The following NUP153 variants were observed in gnomAD, a reference collection of about 807,000 sequenced individuals.
The protein encoded by NUP153 is nuclear pore complex protein Nup153.
In NUP153, 27 loss-of-function variants were observed where a neutral mutation model predicts 134.6. That is an observed-to-expected ratio of 0.20 (90% CI 0.15 to 0.28). NUP153 has a LOEUF of 0.28. NUP153 is among the 10% of genes least tolerant of loss of function. NUP153 has a pLI of 1.00. For missense variants in NUP153, 1,821 were observed against 1,731.3 expected, an observed-to-expected ratio of 1.05 and a Z score of -0.92; for synonymous variants, 640 against 623.5, an observed-to-expected ratio of 1.03 and a Z score of -0.40.
At chr6:17,684,261 TG>T (rs1768781511) in intron 2 of NUP153, among the ~76,000 whole-genome samples, 2 of 152,246 alleles carry the variant, frequency 1.3e-5, no homozygotes, top group Non-Finnish European at 1.5e-5. Flanking sequence ...CCTTCGTCAG[TG>T]CTCTTAGCTA....
intron 1 of NUP153, among the ~76,000 whole-genome samples, chr6:17,695,092 C>T (rs1233100806): frequency 6.6e-6 from 1 of 152,154 alleles, no homozygotes; most frequent in African/African-American, 2.4e-5. Flanking sequence ...TTCTGGTAAC[C>T]TTATCAATAA....
Position 17,616,057 on chromosome 6 carries a change from C to A in NUP153, c.*40G>T, listed in dbSNP as rs375244755. 1.5e-4 allele frequency: 212 copies of A among 1,376,576 alleles called. No homozygotes were observed. The highest frequency in any genetic ancestry group is 2.1e-4 in the Non-Finnish European group (204 of 963,798). 85.3% of individuals were successfully genotyped at this position (1,376,576 alleles called of 1,614,324 possible). Reference sequence around the variant, plus strand: ...CAATCCAGTATCTGAAAGCAGGGCACCAGCTGTTGTTAAAATTGAGTACAA... The same window carrying A: ...CAATCCAGTATCTGAAAGCAGGGCAACAGCTGTTGTTAAAATTGAGTACAA... On this transcript the variant is annotated 3_prime_UTR_variant, in exon 22 of 22. Transcript: ENST00000262077.
At chr6:17,669,260 A>G (rs750441797) in intron 7 of NUP153, 33 bp downstream of exon 7, 17 of 1,581,230 alleles carry the variant, frequency 1.1e-5, no homozygotes, top group South Asian at 7.8e-5. Context: ...TGTATGAACA[A>G]TATTTTGTAA....
chr6:17,633,586 A>G (rs1765369921), intron 16 of NUP153, among the ~76,000 whole-genome samples: 1 of 152,202 alleles, frequency 6.6e-6, no homozygotes, highest in Non-Finnish European at 1.5e-5. Flanking sequence ...AACCTAAAAC[A>G]AGTGTGCAAA....
intron 1 of NUP153, among the ~76,000 whole-genome samples, chr6:17,696,462 AT>A (rs1252268164): frequency 6.6e-6 from 1 of 152,166 alleles, no homozygotes; most frequent in Non-Finnish European, 1.5e-5. Context: ...GTGCTTTAAG[AT>A]TTAAAAACAA....
intron 2 of NUP153, among the ~76,000 whole-genome samples, chr6:17,682,165 A>G (rs1223485319): frequency 2.0e-5 from 3 of 152,210 alleles, no homozygotes; most frequent in East Asian, 3.8e-4. Context: ...AGTGCATACA[A>G]AAGTTATGTT....
At chr6:17,665,801 T>C (rs1767500866) in intron 8 of NUP153, among the ~76,000 whole-genome samples, 2 of 151,446 alleles carry the variant, frequency 1.3e-5, no homozygotes, top group Non-Finnish European at 2.9e-5. Context: ...TGGGTGATCC[T>C]CCCACCACAG....
intron 5 of NUP153, 36 bp downstream of exon 5, chr6:17,674,867 GAA>G: frequency 7.0e-7 from 1 of 1,427,684 alleles, no homozygotes; most frequent in Non-Finnish European, 9.3e-7. Context: ...TAAAAAAAAA[GAA>G]AAAAAAAGAT....
At chr6:17,702,433 G>A (rs551087686) in intron 1 of NUP153, among the ~76,000 whole-genome samples, 42 of 151,638 alleles carry the variant, frequency 2.8e-4, no homozygotes, top group Admixed American at 2.3e-3. Flanking sequence ...GCGTGAACCC[G>A]GGAGGCAGAG....
At chr6:17,630,791 G>C (rs1241458454) in intron 17 of NUP153, among the ~76,000 whole-genome samples, 1 of 150,938 alleles carries the variant, frequency 6.6e-6, no homozygotes, top group East Asian at 2.0e-4. Context: ...GAAGAGAGAA[G>C]ACAGGAGAGA....
In NUP153 at chr6:17,625,887, G is replaced by C; in HGVS notation, c.3822C>G (p.Val1274=). The change falls in exon 19 of 22, where the codon GTC becomes GTG. Residue 1274 remains valine (V), a synonymous_variant. Coordinates refer to ENST00000262077, the MANE Select transcript of NUP153 (RefSeq NM_005124.4). The surrounding 1 kb of genome is among the most constrained non-coding windows in gnomAD (Gnocchi z 4.7). ...TATTACTGCTGGCTCCTGGACCAAA[G>C]ACAAATGGGGTGACAGCTGTACCTG... ...SSTGTAVTPF[V]FGPGASSNNT... is the part of the protein sequence containing the mutation. 1 of 1,614,220 alleles carries C rather than the reference G, an allele frequency of 6.2e-7. No homozygotes were observed. Among genetic ancestry groups the C allele is most frequent in the Non-Finnish European group, 8.5e-7 (1 of 1,180,048 alleles).
In NUP153 at chr6:17,624,723, G is replaced by A. The variant is rs764247027; in HGVS notation, c.4012C>T (p.Pro1338Ser). The change falls in exon 20 of 22, where the codon CCC (proline) becomes TCC (serine). Residue 1338 changes from proline (P) to serine (S), a missense_variant. Physicochemically the swap from Pro to Ser is moderately conservative, Grantham distance 74. Transcript: ENST00000262077. ...GATGATATAGATCCAAAGCCTGGGG[G>A]ATTGGGCTGGCTGGCACCTTGACTT... ...GQSQGASQPN[P>S]PGFGSISSST... 1 of 1,614,196 alleles carries A rather than the reference G, an allele frequency of 6.2e-7. No homozygotes were observed. The highest frequency in any genetic ancestry group is 1.1e-5 in the South Asian group (1 of 91,086).
rs574869455 is a variant in NUP153, at chr6:17,680,230, T to C, written c.335-4460A>G. ...CCATTACATGGGAAACCAAAGAGCC[T>C]GTGGTCTGTAATACTGTAATAAAGA... On this transcript the variant is annotated intron_variant, in intron 2 of 21. Transcript: ENST00000262077. This position sits in a 1 kb window ranked among gnomAD's most constrained non-coding sequence, Gnocchi z 4.5. Among the ~76,000 whole-genome samples the C allele has an allele frequency of 3.2e-4, 49 of 152,254 alleles. 1 individual carries two copies. Among genetic ancestry groups the C allele is most frequent in the South Asian group, 3.1e-3 (15 of 4,826 alleles).
At position 17,637,449 on chromosome 6, in the gene NUP153, A is replaced by G; in HGVS notation, c.2168T>C (p.Ile723Thr). The change falls in exon 16 of 22, where the codon ATA becomes ACA. Residue 723 changes from isoleucine to threonine, a missense_variant. Transcript: ENST00000262077. ...ACAGGTATCACAATCCCAAGTGCCT[A>G]TCACTGGTTTAAATTTGTCTCCAAA... The part of the protein sequence containing the change: ...TGFGDKFKPV[I>T]GTWDCDTCLV... 2 of 1,614,250 alleles carry G rather than the reference A, an allele frequency of 1.2e-6. No homozygotes were observed. The highest frequency in any genetic ancestry group is 1.1e-5 in the South Asian group (1 of 91,088).
chr6:17,632,032 G>A (rs540768110), intron 17 of NUP153, among the ~76,000 whole-genome samples: 5 of 152,236 alleles, frequency 3.3e-5, no homozygotes, highest in South Asian at 4.1e-4. Context: ...GTCTTCCTTT[G>A]TACTTATATA....
At chr6:17,705,585 T>TGGGGGGGGGGGGGGG (rs200771105) in intron 1 of NUP153, among the ~76,000 whole-genome samples, 4 of 40,180 alleles carry the variant, frequency 1.0e-4, no homozygotes, top group Non-Finnish European at 1.5e-4. Flanking sequence ...GTGGCGGTGT[T>TGGGGGGGGGGGGGGG]GGGGGGGGGG....
chr6:17,644,889 T>C (rs1220676607), intron 14 of NUP153, among the ~76,000 whole-genome samples: 1 of 152,016 alleles, frequency 6.6e-6, no homozygotes. Context: ...ATCGAGACCA[T>C]CCGAGCTAAC....
At chr6:17,624,080 A>G (rs1401683499) in intron 20 of NUP153, among the ~76,000 whole-genome samples, 1 of 152,242 alleles carries the variant, frequency 6.6e-6, no homozygotes, top group Non-Finnish European at 1.5e-5. Flanking sequence ...AAAATATAGG[A>G]TTATAATACA....
rs1258890376 is a variant in NUP153 at position 17,665,392 on chromosome 6, G to A, written c.1069-7C>T. The A allele has an allele frequency of 6.3e-7, 1 of 1,586,762 alleles. No individual in the cohort carries two copies. Among genetic ancestry groups the A allele is most frequent in the Non-Finnish European group, 8.5e-7 (1 of 1,170,608 alleles). Reference sequence around the variant, plus strand: ...GAGGATATTGAGAATCCACCTTACAGGTAAAGAGAAATCAAAAACATTTAT... The same window carrying A: ...GAGGATATTGAGAATCCACCTTACAAGTAAAGAGAAATCAAAAACATTTAT... On this transcript the variant is annotated splice_region_variant and splice_polypyrimidine_tract_variant and intron_variant, in intron 8 of 21. Coordinates refer to ENST00000262077, the MANE Select transcript of NUP153 (RefSeq NM_005124.4).
Sources: allele counts gnomAD v4.1 joint callset (sites outside exome capture counted in the v4.1 genomes callset), GRCh38; gene constraint gnomAD v4.1.1; non-coding constraint Gnocchi (gnomAD v3.1); transcripts MANE v1.5; gene names NCBI Gene and HGNC (gene_info 2026-07-23, HGNC 2026-07-21).